SPMIP2: variants seen among roughly 807,000 people sequenced by gnomAD.
SPMIP2 encodes the protein sperm microtubule inner protein 2.
At chr4:158,927,755 A>G in the SPMIP2 span, among the ~76,000 whole-genome samples, 1 of 152,322 alleles carries the variant, frequency 6.6e-6, no homozygotes, top group East Asian at 1.9e-4. Context: ...GGCCAGCTGG[A>G]GTTCCCGGTT....
the SPMIP2 span, among the ~76,000 whole-genome samples, chr4:158,922,662 T>C: frequency 1.3e-5 from 2 of 152,212 alleles, no homozygotes; most frequent in African/African-American, 4.8e-5. Flanking sequence ...TTTTATTATA[T>C]TCAAAAGATT....
the SPMIP2 span, among the ~76,000 whole-genome samples, chr4:158,986,626 T>G: frequency 1.8e-4 from 27 of 151,408 alleles, no homozygotes; most frequent in Non-Finnish European, 3.2e-4. Context: ...ATACAAAAAT[T>G]AATTCAAGAT....
the SPMIP2 span, among the ~76,000 whole-genome samples, chr4:158,970,151 C>G: frequency 1.3e-5 from 2 of 152,180 alleles, no homozygotes; most frequent in African/African-American, 4.8e-5. Context: ...TGTATCGGCT[C>G]AAGTGTCAAT....
At chr4:158,980,250 T>C in the SPMIP2 span, among the ~76,000 whole-genome samples, 40,761 of 151,984 alleles carry the variant, frequency 0.27, 6,204 homozygotes, top group Middle Eastern at 0.34. Flanking sequence ...ACAGAGCATA[T>C]GGGGGAAGGG....
chr4:158,987,282 G>A, the SPMIP2 span, among the ~76,000 whole-genome samples: 4 of 152,050 alleles, frequency 2.6e-5, no homozygotes, highest in Non-Finnish European at 5.9e-5. Context: ...CCATTACTGG[G>A]TATATACCCA....
chr4:158,958,509 G>A, the SPMIP2 span, among the ~76,000 whole-genome samples: 2 of 152,160 alleles, frequency 1.3e-5, no homozygotes, highest in Non-Finnish European at 2.9e-5. Context: ...TCCAAGAAGG[G>A]CATATACTGA....
the SPMIP2 span, among the ~76,000 whole-genome samples, chr4:158,951,186 G>C: frequency 1.3e-5 from 2 of 152,180 alleles, no homozygotes; most frequent in African/African-American, 4.8e-5. Flanking sequence ...CTACCACCTA[G>C]TACGTGAGTA....
chr4:159,008,005 G>A, the SPMIP2 span, among the ~76,000 whole-genome samples: 1 of 152,178 alleles, frequency 6.6e-6, no homozygotes, highest in Non-Finnish European at 1.5e-5. Context: ...GGGAGGCTGG[G>A]GTGGGAGGAT....
chr4:158,948,738 G>A, the SPMIP2 span, among the ~76,000 whole-genome samples: 1 of 151,798 alleles, frequency 6.6e-6, no homozygotes, highest in South Asian at 2.1e-4. Context: ...TCAAGTAGCT[G>A]GGACTACAGT....
chr4:158,957,492 T>C, the SPMIP2 span, among the ~76,000 whole-genome samples: 2 of 152,146 alleles, frequency 1.3e-5, no homozygotes, highest in African/African-American at 2.4e-5. Flanking sequence ...AGTGATACCA[T>C]CTCAGCTCAC....
At chr4:159,051,071 C>T in the SPMIP2 span, among the ~76,000 whole-genome samples, 3 of 150,468 alleles carry the variant, frequency 2.0e-5, no homozygotes, top group South Asian at 6.3e-4. Flanking sequence ...CGCGCCACTG[C>T]ACTCCAGCCT....
the SPMIP2 span, among the ~76,000 whole-genome samples, chr4:158,975,844 T>C: frequency 6.6e-6 from 1 of 152,164 alleles, no homozygotes; most frequent in Non-Finnish European, 1.5e-5. Flanking sequence ...AGAAAGTCAA[T>C]GGTAGCTTGA....
chr4:158,923,439 C>T, the SPMIP2 span, among the ~76,000 whole-genome samples: 11 of 152,080 alleles, frequency 7.2e-5, no homozygotes, highest in Non-Finnish European at 1.5e-4. Context: ...TCAGTGTGCA[C>T]ATTTTGTGCT....
At chr4:158,909,026 A>G in the SPMIP2 span, among the ~76,000 whole-genome samples, 2 of 152,304 alleles carry the variant, frequency 1.3e-5, no homozygotes, top group South Asian at 2.1e-4. Context: ...CCCAATATTT[A>G]TGTATTAAAG....
chr4:159,010,016 A>G, the SPMIP2 span, among the ~76,000 whole-genome samples: 2 of 152,106 alleles, frequency 1.3e-5, no homozygotes, highest in Non-Finnish European at 2.9e-5. Context: ...CAAAAACAAA[A>G]AACAAAAACT....
the SPMIP2 span, among the ~76,000 whole-genome samples, chr4:158,988,116 G>C: frequency 8.6e-4 from 131 of 152,050 alleles, no homozygotes; most frequent in Non-Finnish European, 4.4e-5. Flanking sequence ...ATAAACAGCT[G>C]TACGCAAATA....
At chr4:159,073,701 CT>C in the SPMIP2 span, among the ~76,000 whole-genome samples, 1 of 152,078 alleles carries the variant, frequency 6.6e-6, no homozygotes, top group African/African-American at 2.4e-5. Flanking sequence ...AAAATACGTC[CT>C]AAGAAAAACT....
the SPMIP2 span, among the ~76,000 whole-genome samples, chr4:158,964,819 C>T: frequency 6.6e-6 from 1 of 152,162 alleles, no homozygotes; most frequent in Non-Finnish European, 1.5e-5. Context: ...GCATGTCTTA[C>T]ATGGTGGCAG....
chr4:158,941,271 A>C, the SPMIP2 span, among the ~76,000 whole-genome samples: 1 of 152,218 alleles, frequency 6.6e-6, no homozygotes, highest in Non-Finnish European at 1.5e-5. Flanking sequence ...ACCAGGAATG[A>C]TTGAATAAGA....
Sources: gnomAD v4.1 joint callset for allele counts (sites outside exome capture counted in the v4.1 genomes callset) on GRCh38, gnomAD v4.1.1 for gene constraint, MANE v1.5 for transcripts, NCBI Gene and HGNC (gene_info 2026-07-23, HGNC 2026-07-21) for gene names.